The following ZNF521 variants were observed in gnomAD, a reference collection of about 807,000 sequenced individuals.
ZNF521 encodes LYST-interacting protein 3.
A neutral mutation model predicts 105.5 loss-of-function variants in ZNF521; 14 were observed. That is an observed-to-expected ratio of 0.13 (90% CI 0.09 to 0.21). ZNF521 has a LOEUF of 0.21. ZNF521 is among the 10% of genes least tolerant of loss of function. The pLI is 1.00. For synonymous variants in ZNF521, 635 were observed against 606.0 expected (o/e 1.05, Z -0.70); for missense variants, 1,233 against 1,629.7 (o/e 0.76, Z 4.19).
intron 5 of ZNF521, among the ~76,000 whole-genome samples, chr18:25,194,002 C>G (rs2035861848): frequency 6.6e-6 from 1 of 151,774 alleles, no homozygotes; most frequent in Non-Finnish European, 1.5e-5. Flanking sequence ...TTGAATTTAT[C>G]TTCATTAATT....
At chr18:25,167,787 G>A (rs189194735) in intron 5 of ZNF521, among the ~76,000 whole-genome samples, 19 of 152,212 alleles carry the variant, frequency 1.2e-4, no homozygotes, top group Admixed American at 5.2e-4. Context: ...GTGTCTGAAC[G>A]GAGAGAAAGC....
chr18:25,155,554 C>G (rs1366908332), intron 5 of ZNF521, among the ~76,000 whole-genome samples: 1 of 152,066 alleles, frequency 6.6e-6, no homozygotes, highest in East Asian at 1.9e-4. Context: ...GGTTTTAGGT[C>G]TTACATTTAG....
At chr18:25,155,208 C>T (rs2035121163) in intron 5 of ZNF521, among the ~76,000 whole-genome samples, 2 of 152,134 alleles carry the variant, frequency 1.3e-5, no homozygotes, top group South Asian at 2.1e-4. Context: ...ACTTCAAGTC[C>T]TGTCATCTAT....
intron 3 of ZNF521, among the ~76,000 whole-genome samples, chr18:25,285,413 T>C (rs895214408): frequency 6.6e-6 from 1 of 152,246 alleles, no homozygotes; most frequent in African/African-American, 2.4e-5. Flanking sequence ...TTGCTCCCAC[T>C]GGAGGCTTTT....
chr18:25,275,750 G>A (rs1296659206), intron 3 of ZNF521, among the ~76,000 whole-genome samples: 4 of 152,168 alleles, frequency 2.6e-5, no homozygotes, highest in Non-Finnish European at 5.9e-5. Flanking sequence ...CAGGTCACAG[G>A]GCTAGACTGA....
chr18:25,099,372 G>C (rs758617701), intron 5 of ZNF521, among the ~76,000 whole-genome samples: 4 of 152,218 alleles, frequency 2.6e-5, no homozygotes, highest in Non-Finnish European at 5.9e-5. Flanking sequence ...CCACCTTACA[G>C]TGCTTGGCTT....
At chr18:25,281,256 GA>G (rs1910363670) in intron 3 of ZNF521, among the ~76,000 whole-genome samples, 1 of 152,188 alleles carries the variant, frequency 6.6e-6, no homozygotes, top group South Asian at 2.1e-4. Context: ...AAACACACGT[GA>G]GGAAATTATG....
intron 5 of ZNF521, among the ~76,000 whole-genome samples, chr18:25,165,458 C>T (rs1009386036): frequency 5.9e-5 from 9 of 152,316 alleles, no homozygotes; most frequent in South Asian, 2.1e-4. Flanking sequence ...CACCGTCCCC[C>T]GGTAGACTGT....
Position 25,222,363 on chromosome 18 carries a change from T to C in ZNF521, c.3573+1982A>G, listed in dbSNP as rs561787821. Among the ~76,000 whole-genome samples the C allele has an allele frequency of 2.6e-5, 4 of 152,356 alleles. No individual in the cohort carries two copies. The East Asian group carries it at 5.8e-4, about 22-fold the overall frequency. ...TAACCAACTTAATGTGTAAATACTA[T>C]TTATATGTCCTCATTCGTTTTTGAA... On this transcript the variant is annotated intron_variant, in intron 4 of 7. Coordinates refer to ENST00000361524, the MANE Select transcript of ZNF521 (RefSeq NM_015461.3).
At chr18:25,242,490 C>T (rs1428635147) in intron 3 of ZNF521, among the ~76,000 whole-genome samples, 1 of 152,046 alleles carries the variant, frequency 6.6e-6, no homozygotes, top group Non-Finnish European at 1.5e-5. Context: ...TTGCTACATC[C>T]TATATATTTT....
chr18:25,237,484 A>C (rs983407305), intron 3 of ZNF521, among the ~76,000 whole-genome samples: 2 of 152,142 alleles, frequency 1.3e-5, no homozygotes, highest in African/African-American at 4.8e-5. Flanking sequence ...ACATCTTGGC[A>C]AATATTCCAA....
At chr18:25,240,201 G>C (rs1031827757) in intron 3 of ZNF521, among the ~76,000 whole-genome samples, 8 of 152,054 alleles carry the variant, frequency 5.3e-5, no homozygotes, top group African/African-American at 1.9e-4. Context: ...CATGCATACA[G>C]AACATCCCAT....
At chr18:25,066,939 G>C (rs368517203) in intron 7 of ZNF521, among the ~76,000 whole-genome samples, 10 of 152,288 alleles carry the variant, frequency 6.6e-5, no homozygotes, top group African/African-American at 2.2e-4. Context: ...GACAGGTTAT[G>C]AGAAAAAATA....
chr18:25,338,259 T>TTTTGTGTGTGTG (rs1555666852), intron 2 of ZNF521, among the ~76,000 whole-genome samples: 2 of 136,510 alleles, frequency 1.5e-5, no homozygotes, highest in Non-Finnish European at 3.1e-5. Context: ...TCATAGACTT[T>TTTTGTGTGTGTG]TGTGTGTGTG....
At chr18:25,306,814 C>A in intron 3 of ZNF521, among the ~76,000 whole-genome samples, 1 of 148,760 alleles carries the variant, frequency 6.7e-6, no homozygotes, top group South Asian at 2.1e-4. Context: ...TGGAGAGAAA[C>A]TTAGACAACT....
chr18:25,176,918 G>A (rs1293859775), intron 5 of ZNF521, among the ~76,000 whole-genome samples: 1 of 152,174 alleles, frequency 6.6e-6, no homozygotes, highest in Non-Finnish European at 1.5e-5. Flanking sequence ...TTCGGCGCTG[G>A]CGTGGAACCT....
intron 3 of ZNF521, among the ~76,000 whole-genome samples, chr18:25,290,158 G>T (rs1393418277): frequency 2.0e-5 from 3 of 152,202 alleles, no homozygotes; most frequent in Non-Finnish European, 4.4e-5. Context: ...CCAAATTGAT[G>T]AACTGCATGC....
chr18:25,178,348 G>A (rs1416665873), intron 5 of ZNF521, among the ~76,000 whole-genome samples: 3 of 152,216 alleles, frequency 2.0e-5, no homozygotes. Flanking sequence ...CGCAGGGTCT[G>A]TGATTCTGGG....
chr18:25,197,789 T>A (rs1394117573), intron 4 of ZNF521, among the ~76,000 whole-genome samples: 1 of 151,822 alleles, frequency 6.6e-6, no homozygotes, highest in Non-Finnish European at 1.5e-5. Context: ...CTTTTCAGAC[T>A]GAACATAGGG....
Sources: gnomAD v4.1 joint callset for allele counts (sites outside exome capture counted in the v4.1 genomes callset) on GRCh38, gnomAD v4.1.1 for gene constraint, MANE v1.5 for transcripts, NCBI Gene and HGNC (gene_info 2026-07-23, HGNC 2026-07-21) for gene names.